Variants in DLGAP3 observed in about 807,000 individuals in gnomAD.
DLGAP3 encodes disks large-associated protein 3.
Under a neutral mutation model 81.2 loss-of-function variants are expected in DLGAP3, and 17 were observed. The observed-to-expected ratio is 0.21, with a 90% CI of 0.14 to 0.31. The LOEUF (loss-of-function observed/expected upper bound fraction) is 0.31. Among genes scored for constraint, DLGAP3 ranks in the 10% least tolerant of loss-of-function variants. DLGAP3 has a pLI of 1.00. For missense variants in DLGAP3, 1,124 were observed against 1,388.0 expected (o/e 0.81, Z 3.02); for synonymous variants, 577 against 587.4 (o/e 0.98, Z 0.26).
intron 8 of DLGAP3, among the ~76,000 whole-genome samples, chr1:34,884,348 T>G (rs912215620): frequency 3.3e-5 from 5 of 152,004 alleles, no homozygotes; most frequent in Non-Finnish European, 5.9e-5. Context: ...CAGAGAGGCC[T>G]CTTTCTGGTA....
intron 8 of DLGAP3, among the ~76,000 whole-genome samples, chr1:34,869,592 C>A (rs773884257): frequency 6.7e-6 from 1 of 148,716 alleles, no homozygotes; most frequent in African/African-American, 2.5e-5. Flanking sequence ...CGGGTTCAAG[C>A]GATTCTCCTG....
At chr1:34,866,979 C>T (rs1041855012) in intron 11 of DLGAP3, 69 bp downstream of exon 11, 3 of 1,587,042 alleles carry the variant, frequency 1.9e-6, no homozygotes, top group East Asian at 2.2e-5. Context: ...TTCGTCCCAC[C>T]CTCCACCTCT....
intron 1 of DLGAP3, among the ~76,000 whole-genome samples, chr1:34,917,635 G>A (rs924865034): frequency 3.9e-5 from 6 of 152,144 alleles, no homozygotes; most frequent in African/African-American, 7.2e-5. Context: ...TTGAGCCACC[G>A]TGGCTATCCA....
chr1:34,914,559 C>T (rs1639688620), intron 1 of DLGAP3, among the ~76,000 whole-genome samples: 1 of 152,200 alleles, frequency 6.6e-6, no homozygotes, highest in Admixed American at 6.5e-5. Context: ...CCAGGTCCAC[C>T]ACTTACTAGA....
At position 34,867,244 on chromosome 1, in the gene DLGAP3, C is replaced by T. The variant is rs1638898394; in HGVS notation, c.2578-53G>A. On this transcript the variant is annotated intron_variant, in intron 10 of 11. Transcript: ENST00000373347. The surrounding 1 kb of genome is among the most constrained non-coding windows in gnomAD (Gnocchi z 4.3). ...TGATTGGTCAAGGAGGTCTGAGCCC[C>T]AGCCAGGACAAGAGAAAGTCCTATC... The T allele has an allele frequency of 3.7e-6, 6 of 1,611,246 alleles. No individual in the cohort carries two copies. In the Admixed American group the frequency reaches 8.3e-5, roughly 22 times the overall value.
chr1:34,926,528 C>T (rs1419981607), intron 1 of DLGAP3, among the ~76,000 whole-genome samples: 1 of 152,162 alleles, frequency 6.6e-6, no homozygotes, highest in Non-Finnish European at 1.5e-5. Context: ...CCAACCCCCA[C>T]TGAGTGACAA....
chr1:34,904,476 C>A lies in DLGAP3; in HGVS notation c.908G>T (p.Gly303Val). The A allele has an allele frequency of 1.2e-6, 2 of 1,614,200 alleles. No individual in the cohort carries two copies. The highest frequency in any genetic ancestry group is 1.6e-4 in the Middle Eastern group (1 of 6,062). The change falls in exon 3 of 12, where the codon GGG (glycine) becomes GTG (valine). Residue 303 changes from glycine (G) to valine (V), a missense_variant. By Grantham distance (109) the Gly-to-Val change is moderately radical. Around this residue, in one of 9 missense-constraint regions of DLGAP3, gnomAD observed 357 missense variants for 408.8 expected, o/e 0.87. Transcript: ENST00000373347. The surrounding 1 kb of genome is among the most constrained non-coding windows in gnomAD (Gnocchi z 8.1). ...GCGGCCTTCCGACCCGCCCGAGCGCCCCTTGAAGCTCAAGTCCCGGTAGGA... is the reference window on the plus strand; with the variant it reads ...GCGGCCTTCCGACCCGCCCGAGCGCACCTTGAAGCTCAAGTCCCGGTAGGA... ...DGSYRDLSFK[G>V]RSGGSEGRCL...
rs762332960 is a variant in DLGAP3, at chr1:34,900,434, C to T, written c.1108-161G>A. Among the ~76,000 whole-genome samples, 26 of 152,190 alleles carry T rather than the reference C, an allele frequency of 1.7e-4. No homozygotes were observed. Among genetic ancestry groups the T allele is most frequent in the Non-Finnish European group, 3.7e-4 (25 of 68,034 alleles). On this transcript the variant is annotated intron_variant, in intron 3 of 11. Transcript: ENST00000373347. The surrounding 1 kb of genome is among the most constrained non-coding windows in gnomAD (Gnocchi z 5.6). ...GGGAGGTAGGGTCTCAGGCTGTCCC[C>T]GTCCCTTACAAGAGACACCTCGTCA... is the stretch of plus-strand genomic sequence containing the variant.
chr1:34,885,496 C>T lies in DLGAP3; in HGVS notation c.1896G>A (p.Arg632=). The part of the protein sequence containing the change: ...LRSLARQRKW[R]PSIGVQVETI... The stretch of plus-strand genomic sequence containing the variant: ...TCCATACCTGCACCCCAATGGACGG[C>T]CGCCACTTCCGCTGCCGCGCCAGGC... The change falls in exon 7 of 12, where the codon CGG becomes CGA. Residue 632 remains arginine, a synonymous_variant. Transcript: ENST00000373347. 6.2e-7 allele frequency: 1 copy of T among 1,608,252 alleles called. No individual in the cohort carries two copies.
chr1:34,922,954 G>A (rs923105370), intron 1 of DLGAP3, among the ~76,000 whole-genome samples: 11 of 151,616 alleles, frequency 7.3e-5, no homozygotes, highest in Admixed American at 2.6e-4. Context: ...GGAAAAAATC[G>A]TCATTTTTTT....
intron 5 of DLGAP3, among the ~76,000 whole-genome samples, chr1:34,889,795 G>A (rs1347161411): frequency 6.6e-6 from 1 of 152,184 alleles, no homozygotes; most frequent in African/African-American, 2.4e-5. Context: ...AAGTCCCCAG[G>A]GGACAAAAGC....
chr1:34,898,531 C>T (rs1416095256), intron 5 of DLGAP3, among the ~76,000 whole-genome samples: 1 of 152,226 alleles, frequency 6.6e-6, no homozygotes, highest in African/African-American at 2.4e-5. Context: ...CAAAGGAATA[C>T]TGAGAGACTG....
At chr1:34,921,137 G>A (rs1639789624) in intron 1 of DLGAP3, among the ~76,000 whole-genome samples, 1 of 152,182 alleles carries the variant, frequency 6.6e-6, no homozygotes, top group African/African-American at 2.4e-5. Context: ...AGTGGCCCCT[G>A]AGATCCAGGA....
Position 34,905,103 on chromosome 1 carries a change from G to A in DLGAP3, c.281C>T (p.Pro94Leu). 1 of 1,587,500 alleles carries A rather than the reference G, an allele frequency of 6.3e-7. No individual in the cohort carries two copies. The highest frequency in any genetic ancestry group is 8.6e-7 in the Non-Finnish European group (1 of 1,166,622). ...ACAGGTGTCGAAGGGGCCCTGGCCA[G>A]GGTACATCCTGGGGAAGGTGCTGCT... ...GGSSTFPRMY[P>L]GQGPFDTCED... Residue 94 changes from proline (P) to leucine (L), a missense_variant, in exon 3 of 12, where the codon CCT (proline) becomes CTT (leucine). This residue lies in a region of DLGAP3 where 167 missense variants were observed against 172.1 expected (regional missense o/e 0.97). Transcript: ENST00000373347.
chr1:34,881,628 C>T (rs1035666198), intron 8 of DLGAP3, among the ~76,000 whole-genome samples: 3 of 151,638 alleles, frequency 2.0e-5, no homozygotes, highest in Non-Finnish European at 1.5e-5. Flanking sequence ...GAGAAAAATA[C>T]ACTTGTTTAA....
chr1:34,886,096 C>T lies in DLGAP3; in HGVS notation c.1576G>A (p.Ala526Thr). 6.2e-7 allele frequency: 1 copy of T among 1,605,608 alleles called. No individual in the cohort carries two copies. Among genetic ancestry groups the T allele is most frequent in the Admixed American group, 1.7e-5 (1 of 58,828 alleles). ...DCLPLLATPA[A>T]VSGRPGSSFN... ...CAGGAGCCGGGCCTCCCTGAGACAG[C>T]GGCAGGGGTAGCGAGGAGGGGCAGG... The change falls in exon 6 of 12, where the codon GCT (alanine) becomes ACT (threonine). Residue 526 changes from alanine to threonine, a missense_variant. By Grantham distance (58) the Ala-to-Thr change is moderately conservative (BLOSUM62 0). Coordinates refer to ENST00000373347, the MANE Select transcript of DLGAP3 (RefSeq NM_001080418.3).
chr1:34,922,685 A>G (rs1474255988), intron 1 of DLGAP3, among the ~76,000 whole-genome samples: 1 of 152,204 alleles, frequency 6.6e-6, no homozygotes, highest in African/African-American at 2.4e-5. Context: ...ATACTCACAT[A>G]TACTTATGTA....
intron 5 of DLGAP3, 40 bp downstream of exon 5, chr1:34,899,629 T>C: frequency 6.5e-7 from 1 of 1,539,474 alleles, no homozygotes; most frequent in Non-Finnish European, 9.0e-7. Context: ...CTGAATCCCT[T>C]TTTCACTCTT....
At chr1:34,910,093 G>C (rs1333830440) in intron 1 of DLGAP3, among the ~76,000 whole-genome samples, 1 of 152,198 alleles carries the variant, frequency 6.6e-6, no homozygotes, top group Non-Finnish European at 1.5e-5. Context: ...ACCAGAGCTA[G>C]GGCCGCTATC....
Sources: gnomAD v4.1 joint callset for allele counts (sites outside exome capture counted in the v4.1 genomes callset) on GRCh38, gnomAD v4.1.1 for gene constraint, gnomAD v4.1.1 regional missense constraint, Gnocchi (gnomAD v3.1) non-coding constraint, MANE v1.5 for transcripts, NCBI Gene and HGNC (gene_info 2026-07-23, HGNC 2026-07-21) for gene names.